The following PCDHA9 variants were observed in gnomAD, a reference collection of about 807,000 sequenced individuals.
The protein encoded by PCDHA9 is protocadherin alpha-9.
A neutral mutation model predicts 62.0 loss-of-function variants in PCDHA9; 62 were observed. That is an observed-to-expected ratio of 1.00 (90% confidence interval 0.81 to 1.23). The LOEUF (loss-of-function observed/expected upper bound fraction) is 1.23, where lower values mean the gene tolerates loss of function less well. Ranked by LOEUF, PCDHA9 falls within the 50% of genes most tolerant of loss-of-function variation. The pLI is 0.00. For missense variants in PCDHA9, 1,205 were observed against 1,249.8 expected (o/e 0.96, Z 0.54); for synonymous variants, 557 against 567.6 (o/e 0.98, Z 0.27).
chr5:140,913,807 C>A (rs2076472600), intron 1 of PCDHA9, among the ~76,000 whole-genome samples: 1 of 152,068 alleles, frequency 6.6e-6, no homozygotes, highest in African/African-American at 2.4e-5. Flanking sequence ...ATCAAATTTT[C>A]AATTTCCTTT....
intron 3 of PCDHA9, among the ~76,000 whole-genome samples, chr5:141,007,101 A>T (rs1412645072): frequency 6.6e-5 from 10 of 152,188 alleles, no homozygotes; most frequent in African/African-American, 1.7e-4. Flanking sequence ...TCTAGGGCCA[A>T]ACCCAAGGAA....
intron 1 of PCDHA9, among the ~76,000 whole-genome samples, chr5:140,944,779 T>C (rs1022054674): frequency 6.6e-6 from 1 of 152,228 alleles, no homozygotes; most frequent in African/African-American, 2.4e-5. Flanking sequence ...CCTCCTGTTA[T>C]TGTATTTTAC....
chr5:140,858,421 G>C (rs782781172), intron 1 of PCDHA9: 2 of 1,557,082 alleles, frequency 1.3e-6, no homozygotes, highest in African/African-American at 1.4e-5. Context: ...CTATTGGAGG[G>C]GACCACTCTA....
intron 1 of PCDHA9, among the ~76,000 whole-genome samples, chr5:140,949,636 T>C (rs1047386786): frequency 1.3e-5 from 2 of 151,898 alleles, no homozygotes; most frequent in Non-Finnish European, 3.0e-5. Context: ...GGCATATTGC[T>C]TTTTGTTCAT....
chr5:140,960,875 A>G (rs2095577090), intron 1 of PCDHA9, among the ~76,000 whole-genome samples: 1 of 152,220 alleles, frequency 6.6e-6, no homozygotes, highest in African/African-American at 2.4e-5. Context: ...TAGCTGAAAT[A>G]CACACTAATG....
chr5:140,850,920 A>G (rs2150502262), intron 1 of PCDHA9, 31 bp downstream of exon 1: 1 of 1,526,818 alleles, frequency 6.5e-7, no homozygotes, highest in Non-Finnish European at 8.8e-7. Flanking sequence ...ATTTATTTAT[A>G]TAATTTTTTT....
intron 1 of PCDHA9, among the ~76,000 whole-genome samples, chr5:140,962,388 C>T (rs782676502): frequency 5.9e-5 from 9 of 152,254 alleles, no homozygotes; most frequent in South Asian, 4.1e-4. Flanking sequence ...GTTAATATTA[C>T]GCAATCTGCC....
At chr5:140,969,385 C>A in intron 1 of PCDHA9, 1 of 1,598,120 alleles carries the variant, frequency 6.3e-7, no homozygotes, top group East Asian at 2.2e-5. Context: ...TTACACATCC[C>A]CCAATATCCT....
At chr5:140,859,044 G>C (rs1228604447) in intron 1 of PCDHA9, 6 of 150,376 alleles carry the variant, frequency 4.0e-5, no homozygotes, top group Non-Finnish European at 7.4e-5. Context: ...CTTTAAAAAC[G>C]TTTTCCATTT....
chr5:140,958,890 A>G (rs1379321415), intron 1 of PCDHA9, among the ~76,000 whole-genome samples: 1 of 152,044 alleles, frequency 6.6e-6, no homozygotes, highest in African/African-American at 2.4e-5. Context: ...CAGTAGCTAT[A>G]TAATAGATAC....
chr5:140,941,304 CTTTT>C (rs2093021953), intron 1 of PCDHA9, among the ~76,000 whole-genome samples: 1 of 84,848 alleles, frequency 1.2e-5, no homozygotes, highest in African/African-American at 4.2e-5. Context: ...TTCTTTCTTT[CTTTT>C]TCTTCTTTCT....
Position 140,851,360 on chromosome 5 carries a change from A to C in PCDHA9, c.2394+471A>C, listed in dbSNP as rs1554145369. 3.1e-6 allele frequency: 3 copies of C among 978,096 alleles called. No homozygotes were observed. In the African/African-American group the frequency reaches 5.2e-5, roughly 17 times the overall value. 60.6% of individuals were successfully genotyped at this position (978,096 alleles called of 1,614,324 possible). On this transcript the variant is annotated intron_variant, in intron 1 of 3. Transcript: ENST00000532602. ...TACATTTCTCTGGATGGAGACTGTG[A>C]ACATCTGATTGTTCAGCAACCTTCA...
intron 1 of PCDHA9, among the ~76,000 whole-genome samples, chr5:140,898,597 G>T (rs1452719602): frequency 6.6e-6 from 1 of 152,186 alleles, no homozygotes; most frequent in Non-Finnish European, 1.5e-5. Context: ...CTGTAGCCTT[G>T]TAGTATAGTT....
intron 3 of PCDHA9, among the ~76,000 whole-genome samples, chr5:141,007,371 TG>T (rs2098319446): frequency 7.8e-6 from 1 of 128,740 alleles, no homozygotes. Context: ...GGCAACATGA[TG>T]GAACACCATC....
At chr5:140,978,491 C>T (rs550205477) in intron 1 of PCDHA9, among the ~76,000 whole-genome samples, 2 of 152,354 alleles carry the variant, frequency 1.3e-5, no homozygotes, top group African/African-American at 4.8e-5. Flanking sequence ...GCAAAGCCAG[C>T]AGCAGATTGC....
At chr5:140,869,631 G>A in intron 1 of PCDHA9, 1 of 1,613,652 alleles carries the variant, frequency 6.2e-7, no homozygotes, top group Non-Finnish European at 8.5e-7. Context: ...GTAAAAATGA[G>A]TATTTTTCTT....
chr5:140,877,179 G>A (rs1554169418), intron 1 of PCDHA9: 8 of 1,613,712 alleles, frequency 5.0e-6, no homozygotes, highest in East Asian at 2.2e-5. Flanking sequence ...TGGCGACTCC[G>A]GCTGGCAGCG....
At chr5:140,877,575 C>G (rs1244471489) in intron 1 of PCDHA9, 1 of 1,613,708 alleles carries the variant, frequency 6.2e-7, no homozygotes, top group East Asian at 2.2e-5. Context: ...TGTACCTCAT[C>G]ATCGCCATCT....
intron 1 of PCDHA9, among the ~76,000 whole-genome samples, chr5:140,894,025 A>G (rs1473023847): frequency 1.3e-5 from 2 of 152,232 alleles, no homozygotes; most frequent in Admixed American, 6.5e-5. Flanking sequence ...CCAGTTCTGC[A>G]TACTGGTAAT....
Sources: allele counts gnomAD v4.1 joint callset (sites outside exome capture counted in the v4.1 genomes callset), GRCh38; gene constraint gnomAD v4.1.1; transcripts MANE v1.5; gene names NCBI Gene and HGNC (gene_info 2026-07-23, HGNC 2026-07-21).